Variants in SCNN1B observed in about 807,000 individuals in gnomAD.
SCNN1B encodes epithelial sodium channel subunit beta.
SCNN1B carries 46 observed loss-of-function variants against 65.3 expected under a neutral mutation model. That is an observed-to-expected ratio of 0.70 (90% CI 0.56 to 0.90). SCNN1B has a LOEUF of 0.90. SCNN1B is among the 40% of genes least tolerant of loss of function. The probability of loss-of-function intolerance (pLI) is 0.00; values close to 1 mark genes in which losing one functional copy is unlikely to be tolerated. For synonymous variants in SCNN1B, 349 were observed against 330.6 expected, an observed-to-expected ratio of 1.06 and a Z score of -0.60; for missense variants, 751 against 830.5, an observed-to-expected ratio of 0.90 and a Z score of 1.18.
In SCNN1B at chr16:23,375,872, G is replaced by A. The variant is rs201924796; in HGVS notation, c.1270+17G>A. ...CAGACTGGGGTGAGCGGGGGCACGG[G>A]GGATCGGCACTCCAGCCATCTGGGG... On this transcript the variant is annotated intron_variant, in intron 8 of 12. Transcript: ENST00000343070. 1,391 of 1,526,444 alleles carry A rather than the reference G, an allele frequency of 9.1e-4. 2 individuals are homozygous for A. Among genetic ancestry groups the A allele is most frequent in the Non-Finnish European group, 1.2e-3 (1,278 of 1,100,094 alleles). The allele number at this position is 1,526,444 out of a possible 1,614,324, so 94.6% of individuals were successfully genotyped here.
chr16:23,362,704 T>C (rs965687684), intron 4 of SCNN1B, among the ~76,000 whole-genome samples: 12 of 152,214 alleles, frequency 7.9e-5, no homozygotes, highest in African/African-American at 2.9e-4. Context: ...ACCAAGAGCA[T>C]GGCGCGGGCA....
At chr16:23,343,509 A>AGGAAGGAAGAAGGAAGG (rs1429039403) in intron 1 of SCNN1B, among the ~76,000 whole-genome samples, 1 of 76,476 alleles carries the variant, frequency 1.3e-5, no homozygotes, top group African/African-American at 5.6e-5. Flanking sequence ...GAAGGAAGGA[A>AGGAAGGAAGAAGGAAGG]AAGGAAGGAA....
chr16:23,354,131 C>T lies in SCNN1B; in HGVS notation c.585+1057C>T, dbSNP rs183924005. Among the ~76,000 whole-genome samples, 5 of 152,340 alleles carry T rather than the reference C, an allele frequency of 3.3e-5. No homozygotes were observed. The East Asian group carries it at 5.8e-4, about 18-fold the overall frequency. On this transcript the variant is annotated intron_variant, in intron 3 of 12. Coordinates refer to ENST00000343070, the MANE Select transcript of SCNN1B (RefSeq NM_000336.3). ...CCACCTCTCCACACAAACTAGCCGACGTCATATGGGGGATCTGCTGTGGTC... is the reference window on the plus strand; with the variant it reads ...CCACCTCTCCACACAAACTAGCCGATGTCATATGGGGGATCTGCTGTGGTC...
chr16:23,377,179 G>C lies in SCNN1B; in HGVS notation c.1285G>C (p.Asp429His), dbSNP rs199767322. Reference protein sequence around the residue: ...DFPDWAHCYSDLQMSVAQRET... With the variant: ...DFPDWAHCYSHLQMSVAQRET... ...CTCCTGCGCAGCCCATTGCTACTCA[G>C]ATCTACAGATGAGCGTGGCGCAGAG... The change falls in exon 9 of 13, where the codon GAT (aspartate) becomes CAT (histidine). Residue 429 changes from aspartate (D) to histidine (H), a missense_variant. Coordinates refer to ENST00000343070, the MANE Select transcript of SCNN1B (RefSeq NM_000336.3). 1 of 1,614,178 alleles carries C rather than the reference G, an allele frequency of 6.2e-7. No homozygotes were observed. Among genetic ancestry groups the C allele is most frequent in the East Asian group, 2.2e-5 (1 of 44,886 alleles).
intron 4 of SCNN1B, among the ~76,000 whole-genome samples, chr16:23,357,515 G>A (rs1333010610): frequency 2.0e-5 from 3 of 152,176 alleles, no homozygotes; most frequent in East Asian, 1.9e-4. Context: ...CCCCAGGGGC[G>A]GAGGTTGTAG....
chr16:23,299,579 T>C (rs1299587184), upstream of SCNN1B, among the ~76,000 whole-genome samples: 1 of 152,152 alleles, frequency 6.6e-6, no homozygotes, highest in African/African-American at 2.4e-5. Context: ...TCCCTGACAG[T>C]GCAAAAGCAA....
Position 23,348,779 on chromosome 16 carries a change from C to A in SCNN1B, c.180C>A (p.Ala60=). 1 of 1,614,190 alleles carries A rather than the reference C, an allele frequency of 6.2e-7. No individual in the cohort carries two copies. Among genetic ancestry groups the A allele is most frequent in the Middle Eastern group, 1.7e-4 (1 of 6,060 alleles). ...AMWFLLTLLF[A]ALVCWQWGIF... is the part of the protein sequence containing the mutation. ...GGTTCCTGCTCACCCTGCTCTTCGCCGCCCTCGTCTGCTGGCAGTGGGGCA... is the reference window on the plus strand; with the variant it reads ...GGTTCCTGCTCACCCTGCTCTTCGCAGCCCTCGTCTGCTGGCAGTGGGGCA... Residue 60 remains alanine, a synonymous_variant, in exon 2 of 13, where the codon GCC becomes GCA. Transcript: ENST00000343070. This position sits in a 1 kb window ranked among gnomAD's most constrained non-coding sequence, Gnocchi z 4.5.
chr16:23,333,141 GGAAGGAAAGAAGGAAGGAAGGA>G (rs1961856309), intron 1 of SCNN1B, among the ~76,000 whole-genome samples: 4 of 100,930 alleles, frequency 4.0e-5, no homozygotes, highest in African/African-American at 1.8e-4. Flanking sequence ...GAGGGAGGAA[GGAAGGAAAGAAGGAAGGAAGGA>G]AGGAAGGAAG....
chr16:23,315,234 G>A (rs1961428407), intron 1 of SCNN1B, among the ~76,000 whole-genome samples: 1 of 152,126 alleles, frequency 6.6e-6, no homozygotes. Context: ...CTGCTCAGGA[G>A]GCTGAGGCAG....
intron 2 of SCNN1B, among the ~76,000 whole-genome samples, chr16:23,351,710 G>A (rs915222225): frequency 3.9e-5 from 6 of 152,208 alleles, no homozygotes; most frequent in Non-Finnish European, 7.3e-5. Context: ...CTGGGGTGCA[G>A]GGCCCGGCCC....
intron 5 of SCNN1B, among the ~76,000 whole-genome samples, chr16:23,368,470 A>G (rs1396523198): frequency 2.0e-5 from 3 of 152,154 alleles, no homozygotes; most frequent in Non-Finnish European, 4.4e-5. Context: ...TGAGCTGGGA[A>G]GGTCAAGGCA....
chr16:23,338,647 G>T (rs747666331), intron 1 of SCNN1B, among the ~76,000 whole-genome samples: 3 of 152,188 alleles, frequency 2.0e-5, no homozygotes, highest in Non-Finnish European at 4.4e-5. Flanking sequence ...AGTAAAGAGG[G>T]CTGGGTATAA....
intron 1 of SCNN1B, among the ~76,000 whole-genome samples, chr16:23,329,239 G>A (rs1269762352): frequency 6.6e-6 from 1 of 152,028 alleles, no homozygotes; most frequent in African/African-American, 2.4e-5. Context: ...AGCCTCCTGA[G>A]TAGCTGGGAC....
rs781205373 is a variant in SCNN1B at position 23,348,852 on chromosome 16, G to A, written c.253G>A (p.Val85Ile). 3.1e-5 allele frequency: 50 copies of A among 1,613,946 alleles called. No individual in the cohort carries two copies. Among genetic ancestry groups the A allele is most frequent in the African/African-American group, 6.7e-5 (5 of 74,900 alleles). Reference protein sequence around the residue: ...LSWEVSVSLSVGFKTMDFPAV... With the variant: ...LSWEVSVSLSIGFKTMDFPAV... ...CTGGGAGGTCAGCGTCTCCCTCTCC[G>A]TAGGCTTCAAGACCATGGACTTCCC... The change falls in exon 2 of 13, where the codon GTA (valine) becomes ATA (isoleucine). Residue 85 changes from valine (V) to isoleucine (I), a missense_variant. Transcript: ENST00000343070. This position sits in a 1 kb window ranked among gnomAD's most constrained non-coding sequence, Gnocchi z 4.5.
At chr16:23,339,470 A>C (rs1962009259) in intron 1 of SCNN1B, among the ~76,000 whole-genome samples, 1 of 151,452 alleles carries the variant, frequency 6.6e-6, no homozygotes, top group African/African-American at 2.4e-5. Flanking sequence ...CTGGCCTCAA[A>C]CTCCTGGGCT....
chr16:23,355,138 G>A (rs540639450), intron 3 of SCNN1B, among the ~76,000 whole-genome samples, 161 bp from the exon 4 acceptor site: 13 of 152,322 alleles, frequency 8.5e-5, no homozygotes, highest in African/African-American at 2.4e-4. Context: ...TAGCCCTTGA[G>A]CATGTGTGAG....
chr16:23,309,804 C>G (rs1326533129), intron 1 of SCNN1B, among the ~76,000 whole-genome samples: 1 of 152,194 alleles, frequency 6.6e-6, no homozygotes, highest in Non-Finnish European at 1.5e-5. Context: ...ACTTTGCATC[C>G]TTCAATCCAA....
intron 4 of SCNN1B, among the ~76,000 whole-genome samples, chr16:23,356,168 C>G (rs2142023362): frequency 6.6e-6 from 1 of 152,274 alleles, no homozygotes. Context: ...GACCTCACTT[C>G]TAGCAGCTGG....
At chr16:23,306,917 A>C (rs1251928811) in intron 1 of SCNN1B, among the ~76,000 whole-genome samples, 1 of 152,184 alleles carries the variant, frequency 6.6e-6, no homozygotes, top group East Asian at 1.9e-4. Flanking sequence ...GCATTTCTTG[A>C]GTAACTAGTA....
Sources: gnomAD v4.1 joint callset for allele counts (sites outside exome capture counted in the v4.1 genomes callset) on GRCh38, gnomAD v4.1.1 for gene constraint, Gnocchi (gnomAD v3.1) non-coding constraint, MANE v1.5 for transcripts, NCBI Gene and HGNC (gene_info 2026-07-23, HGNC 2026-07-21) for gene names.